Variants in CLIC5 observed in about 807,000 individuals in gnomAD.
The protein encoded by CLIC5 is CLIC family member 5.
In CLIC5, 20 loss-of-function variants were observed where a neutral mutation model predicts 24.7. The ratio of observed to expected loss-of-function variants is 0.81; its 90% CI spans 0.57 to 1.18. The LOEUF (loss-of-function observed/expected upper bound fraction) is 1.18. Among genes scored for constraint, CLIC5 ranks in the 50% most tolerant of loss-of-function variants. The probability of loss-of-function intolerance (pLI) is 0.00; values close to 1 mark genes in which losing one functional copy is unlikely to be tolerated. For synonymous variants in CLIC5, 159 were observed against 135.6 expected, an observed-to-expected ratio of 1.17 and a Z score of -1.20; for missense variants, 341 against 326.1, an observed-to-expected ratio of 1.05 and a Z score of -0.35.
At chr6:46,050,432 G>A (rs1179963735) in intron 1 of CLIC5, among the ~76,000 whole-genome samples, 1 of 152,248 alleles carries the variant, frequency 6.6e-6, no homozygotes, top group Middle Eastern at 3.4e-3. Context: ...AGTAAACTTG[G>A]CATCCTGAGA....
intron 1 of CLIC5, among the ~76,000 whole-genome samples, chr6:46,022,967 T>C (rs1399224371): frequency 6.6e-6 from 1 of 152,172 alleles, no homozygotes; most frequent in African/African-American, 2.4e-5. Flanking sequence ...CAATTTTGTG[T>C]TTCTTTTGCA....
In CLIC5 at chr6:45,901,421, G is replaced by A. The variant is rs181689436; in HGVS notation, c.*1667C>T. ...TACTTTTTTTCTTCAGAGATCCCTG[G>A]AGGCAGGTAGGTCCAGGGATTGCTT... is the stretch of plus-strand genomic sequence containing the variant. On this transcript the variant is annotated 3_prime_UTR_variant, in exon 6 of 6. Transcript: ENST00000339561. 165 of 152,218 alleles carry A rather than the reference G, an allele frequency of 1.1e-3. 1 individual carries two copies. The highest frequency in any genetic ancestry group is 3.8e-3 in the African/African-American group (158 of 41,510). The allele number at this position is 152,218 out of a possible 1,614,324, so 9.4% of individuals were successfully genotyped here. A position where few individuals can be genotyped will look rare whatever the true frequency, so the allele number is the denominator to read the frequency against.
chr6:45,943,941 C>G (rs1387411792), intron 3 of CLIC5, among the ~76,000 whole-genome samples: 2 of 152,134 alleles, frequency 1.3e-5, no homozygotes, highest in Non-Finnish European at 2.9e-5. Context: ...GGGGAGGATA[C>G]TATATAGGAT....
chr6:46,031,939 T>TAC (rs35929799), intron 1 of CLIC5, among the ~76,000 whole-genome samples: 41,308 of 146,162 alleles, frequency 0.28, 7,063 homozygotes, highest in Middle Eastern at 0.42. Flanking sequence ...TATATATATA[T>TAC]ACACACACAC....
chr6:46,079,995 A>T (rs1353124929), exon 1 of CLIC5: 1 of 1,551,568 alleles, frequency 6.4e-7, no homozygotes, highest in Non-Finnish European at 8.7e-7. Context: ...CTCATCAGGC[A>T]GGAGGTAGCC....
At chr6:46,006,821 G>T (rs1766602728) in intron 1 of CLIC5, among the ~76,000 whole-genome samples, 1 of 151,620 alleles carries the variant, frequency 6.6e-6, no homozygotes, top group Non-Finnish European at 1.5e-5. Context: ...GGCTATAGGT[G>T]GGTGCCACCA....
At chr6:45,915,003 C>T (rs1762971678) in intron 4 of CLIC5, among the ~76,000 whole-genome samples, 1 of 151,908 alleles carries the variant, frequency 6.6e-6, no homozygotes, top group African/African-American at 2.4e-5. Context: ...GATCTGGGCT[C>T]ACTGCAACCT....
intron 1 of CLIC5, among the ~76,000 whole-genome samples, chr6:46,039,550 A>T (rs973422776): frequency 1.3e-5 from 2 of 152,142 alleles, no homozygotes; most frequent in Non-Finnish European, 2.9e-5. Context: ...AAACATAAAA[A>T]GAAAACGAAT....
chr6:45,923,549 T>G (rs1763356780), intron 4 of CLIC5, among the ~76,000 whole-genome samples: 1 of 152,234 alleles, frequency 6.6e-6, no homozygotes, highest in South Asian at 2.1e-4. Context: ...TCTCTTCCAG[T>G]TGCCCATTCT....
intron 1 of CLIC5, among the ~76,000 whole-genome samples, chr6:46,029,683 A>T (rs1767444220): frequency 6.7e-6 from 1 of 150,294 alleles, no homozygotes; most frequent in Non-Finnish European, 1.5e-5. Context: ...TCTTCTTACA[A>T]AAAAAAAAGT....
chr6:45,954,084 G>A (rs1188653701), intron 2 of CLIC5, among the ~76,000 whole-genome samples: 1 of 151,900 alleles, frequency 6.6e-6, no homozygotes, highest in Non-Finnish European at 1.5e-5. Flanking sequence ...GACCAGCCTG[G>A]CCAAGATGGT....
At chr6:46,015,458 G>A (rs1392585459) in intron 1 of CLIC5, 22 bp downstream of exon 1, 3 of 1,491,032 alleles carry the variant, frequency 2.0e-6, no homozygotes, top group Non-Finnish European at 2.7e-6. Flanking sequence ...CAGGTGCGGC[G>A]GGAGACTGGA....
At chr6:46,065,486 T>C (rs1204920317) in intron 1 of CLIC5, among the ~76,000 whole-genome samples, 1 of 152,142 alleles carries the variant, frequency 6.6e-6, no homozygotes, top group Non-Finnish European at 1.5e-5. Flanking sequence ...AGCAGCCTCA[T>C]TTTTAACAGC....
At chr6:45,958,447 T>TACACACACACACAC (rs1446493409) in intron 1 of CLIC5, among the ~76,000 whole-genome samples, 6 of 72,270 alleles carry the variant, frequency 8.3e-5, no homozygotes, top group South Asian at 6.3e-4. Flanking sequence ...TATATATATA[T>TACACACACACACAC]ATATATATAT....
At chr6:46,093,921 A>T in the CLIC5 span, among the ~76,000 whole-genome samples, 1 of 152,206 alleles carries the variant, frequency 6.6e-6, no homozygotes, top group East Asian at 1.9e-4. Flanking sequence ...AAAGAGGTAT[A>T]ATTGGCTCAC....
intron 1 of CLIC5, among the ~76,000 whole-genome samples, chr6:45,958,437 T>TATATATATATACACACACACACAC (rs1764727519): frequency 2.6e-4 from 2 of 7,770 alleles, no homozygotes; most frequent in Non-Finnish European, 8.3e-4. Context: ...TATATATATA[T>TATATATATATACACACACACACAC]ATATATATAT....
At chr6:46,076,379 A>G (rs1762770392) in intron 1 of CLIC5, among the ~76,000 whole-genome samples, 1 of 152,246 alleles carries the variant, frequency 6.6e-6, no homozygotes, top group African/African-American at 2.4e-5. Context: ...GATTCAACTA[A>G]GAATTTTAAA....
chr6:46,108,755 G>A, the CLIC5 span, among the ~76,000 whole-genome samples: 2 of 151,974 alleles, frequency 1.3e-5, no homozygotes, highest in Non-Finnish European at 2.9e-5. Flanking sequence ...TATGATTTTT[G>A]CCTTTTGAAA....
rs570691431 is a variant in CLIC5, at chr6:45,926,309, G to A, written c.407-11900C>T. Among the ~76,000 whole-genome samples, 729 of 151,214 alleles carry A rather than the reference G, an allele frequency of 4.8e-3. 5 individuals are homozygous for A. The highest frequency in any genetic ancestry group is 0.016 in the African/African-American group (676 of 41,246). ...GTCACCCAGGCTGGAGTGCAGTGGT[G>A]TGATCTCGGCTCACTGCAAGCTCCA... On this transcript the variant is annotated intron_variant, in intron 4 of 5. Transcript: ENST00000339561.
Sources: gnomAD v4.1 joint callset for allele counts (sites outside exome capture counted in the v4.1 genomes callset) on GRCh38, gnomAD v4.1.1 for gene constraint, MANE v1.5 for transcripts, NCBI Gene and HGNC (gene_info 2026-07-23, HGNC 2026-07-21) for gene names.